The following UGT2B28 variants were observed in gnomAD, a reference collection of about 807,000 sequenced individuals.
UGT2B28 encodes UDP glucuronosyltransferase family 2 member B28.
In UGT2B28, 45 loss-of-function variants were observed where a neutral mutation model predicts 43.6. The observed-to-expected ratio is 1.03, with a 90% CI of 0.81 to 1.32. The LOEUF (loss-of-function observed/expected upper bound fraction) is 1.32, where lower values mean the gene tolerates loss of function less well. Ranked by LOEUF, UGT2B28 falls within the 40% of genes most tolerant of loss-of-function variation. UGT2B28 has a pLI of 0.00. For missense variants in UGT2B28, 649 were observed against 625.5 expected (o/e 1.04, Z -0.40); for synonymous variants, 204 against 208.1 (o/e 0.98, Z 0.17).
In UGT2B28 at chr4:69,290,808, C is replaced by T. The variant is rs1364498652; in HGVS notation, c.1307C>T (p.Pro436Leu). 1 of 1,558,502 alleles carries T rather than the reference C, an allele frequency of 6.4e-7. No individual in the cohort carries two copies. The highest frequency in any genetic ancestry group is 8.7e-7 in the Non-Finnish European group (1 of 1,154,500). Residue 436 changes from proline (P) to leucine (L), a missense_variant, in exon 5 of 6, where the codon CCT becomes CTT. Pro to Leu is a moderately conservative substitution (Grantham distance 98). Transcript: ENST00000335568. ...LNALKTVIND[P>L]SYKENVMKLS... The stretch of plus-strand genomic sequence containing the variant: ...GCACTGAAGACAGTAATTAATGATC[C>T]TTCGTGAGTAGAACAGTATTTTTCA...
chr4:69,282,376 C>A (rs957067203), intron 1 of UGT2B28, 138 bp from the exon 2 acceptor site: 31 of 734,808 alleles, frequency 4.2e-5, no homozygotes, highest in Non-Finnish European at 5.8e-5. Context: ...TATTCATATA[C>A]ATGAATATAT....
Position 69,281,067 on chromosome 4 carries a change from C to T in UGT2B28, c.567C>T (p.Phe189=). ...TIERHSGGLI[F]PPSYIPVVMS... ...AAAGGCACAGTGGAGGACTGATTTTCCCTCCTTCCTACATACCTGTTGTTA... is the reference window on the plus strand; with the variant it reads ...AAAGGCACAGTGGAGGACTGATTTTTCCTCCTTCCTACATACCTGTTGTTA... The change falls in exon 1 of 6, where the codon TTC becomes TTT. Residue 189 remains phenylalanine, a synonymous_variant. Coordinates refer to ENST00000335568, the MANE Select transcript of UGT2B28 (RefSeq NM_053039.2). 1.3e-6 allele frequency: 2 copies of T among 1,559,474 alleles called. No homozygotes were observed. Among genetic ancestry groups the T allele is most frequent in the Non-Finnish European group, 1.7e-6 (2 of 1,155,320 alleles).
chr4:69,286,642 C>T, intron 2 of UGT2B28, 110 bp from the exon 3 acceptor site: 1 of 1,375,098 alleles, frequency 7.3e-7, no homozygotes, highest in South Asian at 1.5e-5. Flanking sequence ...TTATTTACTC[C>T]AATAATTCCT....
At chr4:69,286,663 G>C in intron 2 of UGT2B28, 89 bp from the exon 3 acceptor site, 1 of 1,438,726 alleles carries the variant, frequency 7.0e-7, no homozygotes, top group Non-Finnish European at 9.2e-7. Context: ...CAAAATACTT[G>C]ATTTTCTCTC....
rs1317480459 is a variant in UGT2B28, at chr4:69,290,770, A to G, written c.1269A>G (p.Thr423=). The part of the protein sequence containing the change: ...VRLDFHTMSS[T]DLLNALKTVI... ...TGGACTTCCACACAATGTCGAGTAC[A>G]GACCTGCTGAATGCACTGAAGACAG... Residue 423 remains threonine (T), a synonymous_variant, in exon 5 of 6, where the codon ACA becomes ACG. Transcript: ENST00000335568. The G allele has an allele frequency of 7.1e-6, 11 of 1,559,890 alleles. No homozygotes were observed. Among genetic ancestry groups the G allele is most frequent in the Non-Finnish European group, 8.7e-7 (1 of 1,155,268 alleles).
In UGT2B28 at chr4:69,286,237, T is replaced by G. The variant is rs181888736; in HGVS notation, c.871-515T>G. On this transcript the variant is annotated intron_variant, in intron 2 of 5. Coordinates refer to ENST00000335568, the MANE Select transcript of UGT2B28 (RefSeq NM_053039.2). ...TTGTAGAGGAACATAAATGTAGATATAAAATTATCCCAACTGTGAATAGCT... is the reference window on the plus strand; with the variant it reads ...TTGTAGAGGAACATAAATGTAGATAGAAAATTATCCCAACTGTGAATAGCT... Among the ~76,000 whole-genome samples the G allele has an allele frequency of 3.5e-5, 5 of 141,678 alleles. 1 individual carries two copies. Among genetic ancestry groups the G allele is most frequent in the African/African-American group, 1.4e-4 (5 of 36,372 alleles). 92.9% of individuals were successfully genotyped at this position (141,678 alleles called of 152,430 possible).
Position 69,294,624 on chromosome 4 carries a change from T to C in UGT2B28, c.1405T>C (p.Cys469Arg), listed in dbSNP as rs72552704. The C allele has an allele frequency of 0.24, 357,153 of 1,489,794 alleles. 86,444 individuals carry two copies. Among genetic ancestry groups the C allele is most frequent in the Middle Eastern group, 0.37 (2,101 of 5,616 alleles). The allele number at this position is 1,489,794 out of a possible 1,614,324, so 92.3% of individuals were successfully genotyped here. A position where few individuals can be genotyped will look rare whatever the true frequency, so the allele number is the denominator to read the frequency against. Residue 469 changes from cysteine to arginine, a missense_variant, in exon 6 of 6, where the codon TGC becomes CGC. By Grantham distance (180) the Cys-to-Arg change is radical. Transcript: ENST00000335568. ...RAVFWIEFVM[C>R]HKGAKHLRVA... ...AGTCTTCTGGATTGAATTTGTGATG[T>C]GCCACAAAGGAGCCAAACACCTTCG...
chr4:69,289,615 T>C lies in UGT2B28; in HGVS notation c.1003-50T>C, dbSNP rs777234426. ...CCCTTTTTACAGTTCTAACATTCTA[T>C]AATTTTTGAGTTCCACTCATGGAAT... On this transcript the variant is annotated intron_variant, in intron 3 of 5. Transcript: ENST00000335568. 3.4e-6 allele frequency: 5 copies of C among 1,456,868 alleles called. 1 individual carries two copies. In the Admixed American group the frequency reaches 1.0e-4, roughly 30 times the overall value. The allele number at this position is 1,456,868 out of a possible 1,614,324, so 90.2% of individuals were successfully genotyped here. A position where few individuals can be genotyped will look rare whatever the true frequency, so the allele number is the denominator to read the frequency against.
At position 69,285,398 on chromosome 4, in the gene UGT2B28, T is replaced by C; in HGVS notation, c.871-1354T>C. On this transcript the variant is annotated intron_variant, in intron 2 of 5. Coordinates refer to ENST00000335568, the MANE Select transcript of UGT2B28 (RefSeq NM_053039.2). ...ACAACCCGTCAATATCAGTGATGAA[T>C]CTCTAAACAGAGGTTAGATTCCTTC... Among the ~76,000 whole-genome samples, 2 of 139,952 alleles carry C rather than the reference T, an allele frequency of 1.4e-5. 1 individual carries two copies. Among genetic ancestry groups the C allele is most frequent in the African/African-American group, 5.6e-5 (2 of 35,708 alleles). The allele number at this position is 139,952 out of a possible 152,430, so 91.8% of individuals were successfully genotyped here. A position where few individuals can be genotyped will look rare whatever the true frequency, so the allele number is the denominator to read the frequency against.
At chr4:69,293,076 G>A (rs1439369809) in intron 5 of UGT2B28, among the ~76,000 whole-genome samples, 1 of 140,472 alleles carries the variant, frequency 7.1e-6, no homozygotes, top group Non-Finnish European at 1.5e-5. Flanking sequence ...GTAAAATGAA[G>A]ACATAATCTG....
intron 5 of UGT2B28, among the ~76,000 whole-genome samples, chr4:69,293,550 T>G (rs1246940026): frequency 7.1e-6 from 1 of 140,208 alleles, no homozygotes; most frequent in Non-Finnish European, 1.5e-5. Flanking sequence ...TAAAAGCCTC[T>G]CTTAGAGGTA....
At chr4:69,288,127 C>T (rs115880846) in intron 3 of UGT2B28, among the ~76,000 whole-genome samples, 3,458 of 119,346 alleles carry the variant, frequency 0.029, 469 homozygotes, top group Admixed American at 0.044. Context: ...ATTCATGATT[C>T]CAACAGGCTC....
Position 69,281,428 on chromosome 4 carries a change from A to G in UGT2B28, c.721+207A>G, listed in dbSNP as rs1484076777. ...TTAAAACCCTGTGGCCATCACTCAT[A>G]CAGAACACCCCAGGAAATCATAAAC... On this transcript the variant is annotated intron_variant, in intron 1 of 5. Coordinates refer to ENST00000335568, the MANE Select transcript of UGT2B28 (RefSeq NM_053039.2). 5.7e-5 allele frequency among the ~76,000 whole-genome samples: 8 copies of G among 140,598 alleles called. 1 individual carries two copies. The highest frequency in any genetic ancestry group is 2.2e-4 in the African/African-American group (8 of 35,928). The allele number at this position is 140,598 out of a possible 152,430, so 92.2% of individuals were successfully genotyped here.
In UGT2B28 at chr4:69,294,940, C is replaced by T. The variant is rs1303545186; in HGVS notation, c.*131C>T. The T allele has an allele frequency of 2.4e-6, 3 of 1,237,724 alleles. 1 individual carries two copies. In the African/African-American group the frequency reaches 5.4e-5, roughly 22 times the overall value. The allele number at this position is 1,237,724 out of a possible 1,614,324, so 76.7% of individuals were successfully genotyped here. A position where few individuals can be genotyped will look rare whatever the true frequency, so the allele number is the denominator to read the frequency against. ...AAAAAAAAAAACTTTTCAAAATCTACCTTGTCAAGTAAAAATTTGTTTTTC... is the reference window on the plus strand; with the variant it reads ...AAAAAAAAAAACTTTTCAAAATCTATCTTGTCAAGTAAAAATTTGTTTTTC... On this transcript the variant is annotated 3_prime_UTR_variant, in exon 6 of 6. Transcript: ENST00000335568.
intron 3 of UGT2B28, among the ~76,000 whole-genome samples, chr4:69,288,431 A>G (rs1402322652): frequency 7.1e-6 from 1 of 139,972 alleles, no homozygotes. Flanking sequence ...AAATGAATAT[A>G]TTACAATTAA....
chr4:69,289,396 T>A (rs1723878753), intron 3 of UGT2B28, among the ~76,000 whole-genome samples: 2 of 140,834 alleles, frequency 1.4e-5, no homozygotes, highest in Admixed American at 7.1e-5. Flanking sequence ...GGTCTTTTTT[T>A]AAAAAGTGTA....
In UGT2B28 at chr4:69,286,732, T is replaced by C. The variant is rs531851709; in HGVS notation, c.871-20T>C. On this transcript the variant is annotated intron_variant, in intron 2 of 5. Transcript: ENST00000335568. ...TGCTGTGGTGATACTCTTTTGTGAT[T>C]AAACAATTTTTTTTCACAGGAAATG... 18 of 1,552,946 alleles carry C rather than the reference T, an allele frequency of 1.2e-5. 3 individuals are homozygous for C. Among genetic ancestry groups the C allele is most frequent in the Non-Finnish European group, 1.4e-5 (16 of 1,153,284 alleles).
rs1460722315 is a variant in UGT2B28 at position 69,281,146 on chromosome 4, T to C, written c.646T>C (p.Tyr216His). ...TFMERVKNMI[Y>H]VLYFDFWFQM... ...CATGGAGAGGGTAAAAAACATGATCTATGTGCTTTATTTTGACTTTTGGTT... is the reference window on the plus strand; with the variant it reads ...CATGGAGAGGGTAAAAAACATGATCCATGTGCTTTATTTTGACTTTTGGTT... The change falls in exon 1 of 6, where the codon TAT becomes CAT. Residue 216 changes from tyrosine (Y) to histidine (H), a missense_variant. Tyr to His is a moderately conservative substitution (Grantham distance 83). Coordinates refer to ENST00000335568, the MANE Select transcript of UGT2B28 (RefSeq NM_053039.2). 6.4e-7 allele frequency: 1 copy of C among 1,554,412 alleles called. No homozygotes were observed. The highest frequency in any genetic ancestry group is 1.2e-5 in the South Asian group (1 of 83,122).
Position 69,281,083 on chromosome 4 carries a change from C to T in UGT2B28, c.583C>T (p.Pro195Ser), listed in dbSNP as rs201064783. The T allele has an allele frequency of 6.4e-7, 1 of 1,559,448 alleles. No homozygotes were observed. The highest frequency in any genetic ancestry group is 8.7e-7 in the Non-Finnish European group (1 of 1,155,374). The change falls in exon 1 of 6, where the codon CCT (proline) becomes TCT (serine). Residue 195 changes from proline to serine, a missense_variant. Coordinates refer to ENST00000335568, the MANE Select transcript of UGT2B28 (RefSeq NM_053039.2). ...GGLIFPPSYI[P>S]VVMSKLSDQM... ...ACTGATTTTCCCTCCTTCCTACATA[C>T]CTGTTGTTATGTCAAAATTAAGTGA...
Sources: gnomAD v4.1 joint callset for allele counts (sites outside exome capture counted in the v4.1 genomes callset) on GRCh38, gnomAD v4.1.1 for gene constraint, MANE v1.5 for transcripts, NCBI Gene and HGNC (gene_info 2026-07-23, HGNC 2026-07-21) for gene names.